The following CTNNA2 variants were observed in gnomAD, a reference collection of about 807,000 sequenced individuals.
The protein encoded by CTNNA2 is catenin alpha-2.
A neutral mutation model predicts 101.0 loss-of-function variants in CTNNA2; 42 were observed. The ratio of observed to expected loss-of-function variants is 0.42; its 90% confidence interval spans 0.32 to 0.54. CTNNA2 has a LOEUF of 0.54. Ranked by LOEUF, CTNNA2 falls within the 20% of genes least tolerant of loss-of-function variation. The pLI is 0.14. For missense variants in CTNNA2, 871 were observed against 1,223.1 expected (o/e 0.71, Z 4.29); for synonymous variants, 450 against 456.4 (o/e 0.99, Z 0.18).
intron 7 of CTNNA2, among the ~76,000 whole-genome samples, chr2:80,337,460 C>G (rs1457648353): frequency 6.6e-6 from 1 of 151,814 alleles, no homozygotes; most frequent in Non-Finnish European, 1.5e-5. Flanking sequence ...TACACTCCCC[C>G]CCACCCCACC....
intron 2 of CTNNA2, among the ~76,000 whole-genome samples, chr2:79,691,276 CTTA>C (rs1684278672): frequency 6.6e-6 from 1 of 151,922 alleles, no homozygotes; most frequent in African/African-American, 2.4e-5. Context: ...ATTCCTTTTT[CTTA>C]TTATTTTCCA....
Position 79,777,327 on chromosome 2 carries a change from A to ATGTGTGTGTGTGTG in CTNNA2, c.298+32781_298+32794dup, listed in dbSNP as rs67347678. On this transcript the variant is annotated intron_variant, in intron 3 of 18. Transcript: ENST00000402739. ...TCTTAGCCCATACCAAACACTTGTT[A>ATGTGTGTGTGTGTG]TGTGTGTGTGTGTGTGTGTGTGTGT... 1.2e-4 allele frequency among the ~76,000 whole-genome samples: 17 copies of ATGTGTGTGTGTGTG among 139,688 alleles called. No homozygotes were observed. The East Asian group carries it at 2.6e-3, about 21-fold the overall frequency. The allele number at this position is 139,688 out of a possible 152,430, so 91.6% of individuals were successfully genotyped here. A position where few individuals can be genotyped will look rare whatever the true frequency, so the allele number is the denominator to read the frequency against.
intron 12 of CTNNA2, among the ~76,000 whole-genome samples, chr2:80,560,158 G>C (rs74722053): frequency 0.011 from 1,745 of 151,852 alleles, 31 homozygotes; most frequent in African/African-American, 0.04. Flanking sequence ...GAAAATACGT[G>C]GGCCAAGCAG....
At chr2:80,150,643 T>C (rs550207317) in intron 7 of CTNNA2, among the ~76,000 whole-genome samples, 2 of 152,196 alleles carry the variant, frequency 1.3e-5, no homozygotes, top group South Asian at 2.1e-4. Flanking sequence ...AGGGGACCAT[T>C]TGGGGAGAAA....
At chr2:79,812,207 T>C (rs1677098020) in intron 3 of CTNNA2, among the ~76,000 whole-genome samples, 1 of 152,280 alleles carries the variant, frequency 6.6e-6, no homozygotes, top group Admixed American at 6.5e-5. Flanking sequence ...TTATTTCTGT[T>C]TTTTCATTCT....
chr2:79,677,903 C>T (rs960401533), intron 2 of CTNNA2, among the ~76,000 whole-genome samples: 6 of 152,062 alleles, frequency 3.9e-5, no homozygotes, highest in South Asian at 2.1e-4. Flanking sequence ...TCCTGTCCTC[C>T]GGAAAGACAT....
intron 9 of CTNNA2, among the ~76,000 whole-genome samples, chr2:80,452,679 T>G (rs963582643): frequency 6.6e-6 from 1 of 151,572 alleles, no homozygotes; most frequent in Non-Finnish European, 1.5e-5. Flanking sequence ...TCTTGCAGGT[T>G]GGGTTGGGGA....
At chr2:80,440,674 G>T (rs1682480636) in intron 9 of CTNNA2, among the ~76,000 whole-genome samples, 1 of 152,174 alleles carries the variant, frequency 6.6e-6, no homozygotes, top group Non-Finnish European at 1.5e-5. Context: ...GGGAGAATCA[G>T]GTGTTCAGTT....
chr2:80,602,372 G>A lies in CTNNA2; in HGVS notation c.2190-1702G>A, dbSNP rs114982907. On this transcript the variant is annotated intron_variant, in intron 15 of 18. Transcript: ENST00000402739. ...TTTTGTCAGAATCAATCAGCTGGTG[G>A]AAGTTATTATGGAACGTTCATGAGG... Among the ~76,000 whole-genome samples, 1,190 of 152,020 alleles carry A rather than the reference G, an allele frequency of 7.8e-3. 17 individuals are homozygous for A. Among genetic ancestry groups the A allele is most frequent in the African/African-American group, 0.028 (1,158 of 41,488 alleles).
intron 9 of CTNNA2, among the ~76,000 whole-genome samples, chr2:80,504,256 G>A (rs1380684548): frequency 1.3e-5 from 2 of 152,070 alleles, no homozygotes; most frequent in African/African-American, 4.8e-5. Context: ...GTTAGCCAGG[G>A]GCTACTCTTT....
At chr2:80,271,896 C>T (rs927205456) in intron 7 of CTNNA2, among the ~76,000 whole-genome samples, 3 of 152,152 alleles carry the variant, frequency 2.0e-5, no homozygotes, top group African/African-American at 7.2e-5. Flanking sequence ...TAGAGGATTT[C>T]ATCTGGCCAT....
At chr2:80,226,032 T>C (rs1485280050) in intron 7 of CTNNA2, among the ~76,000 whole-genome samples, 1 of 152,226 alleles carries the variant, frequency 6.6e-6, no homozygotes, top group African/African-American at 2.4e-5. Context: ...TAATTGATCA[T>C]TCCCAATATT....
At chr2:80,485,320 C>CT (rs1271525307) in intron 9 of CTNNA2, among the ~76,000 whole-genome samples, 2 of 152,142 alleles carry the variant, frequency 1.3e-5, no homozygotes, top group Non-Finnish European at 2.9e-5. Context: ...AAAAAAATAC[C>CT]TTTACTCTTA....
At chr2:79,777,892 G>GT (rs58015801) in intron 3 of CTNNA2, among the ~76,000 whole-genome samples, 14,818 of 139,616 alleles carry the variant, frequency 0.11, 917 homozygotes, top group South Asian at 0.3. Context: ...TTTGCATGGG[G>GT]TTTTTTTTTT....
intron 4 of CTNNA2, among the ~76,000 whole-genome samples, chr2:79,399,341 A>G (rs146762818): frequency 1.3e-5 from 2 of 152,204 alleles, no homozygotes; most frequent in Non-Finnish European, 2.9e-5. Flanking sequence ...ATATCAGGTA[A>G]GATTTGAGTA....
intron 7 of CTNNA2, among the ~76,000 whole-genome samples, chr2:79,956,955 C>T (rs764446686): frequency 1.5e-4 from 22 of 143,086 alleles, no homozygotes; most frequent in African/African-American, 4.2e-4. Context: ...AGTGAGGAAA[C>T]GGAGAATCAG....
At chr2:79,188,594 T>C (rs1299740441) in intron 1 of CTNNA2, among the ~76,000 whole-genome samples, 1 of 152,140 alleles carries the variant, frequency 6.6e-6, no homozygotes, top group African/African-American at 2.4e-5. Flanking sequence ...CAACAGAGAA[T>C]ACCGTATTCT....
chr2:79,705,637 G>T (rs947420900), intron 2 of CTNNA2, among the ~76,000 whole-genome samples: 1 of 152,158 alleles, frequency 6.6e-6, no homozygotes, highest in African/African-American at 2.4e-5. Flanking sequence ...TTATGCTGGA[G>T]TCCAAGTCTT....
intron 3 of CTNNA2, among the ~76,000 whole-genome samples, chr2:79,857,181 A>C (rs1321286259): frequency 6.6e-6 from 1 of 152,108 alleles, no homozygotes; most frequent in African/African-American, 2.4e-5. Flanking sequence ...TTCCTGGTGA[A>C]CACCTCTTTC....
Sources: gnomAD v4.1 joint callset for allele counts (sites outside exome capture counted in the v4.1 genomes callset) on GRCh38, gnomAD v4.1.1 for gene constraint, MANE v1.5 for transcripts, NCBI Gene and HGNC (gene_info 2026-07-23, HGNC 2026-07-21) for gene names.